The following CADPS2 variants were observed in gnomAD, a reference collection of about 807,000 sequenced individuals.
The protein encoded by CADPS2 is calcium-dependent secretion activator 2.
Under a neutral mutation model 172.5 loss-of-function variants are expected in CADPS2, and 93 were observed. That is an observed-to-expected ratio of 0.54 (90% CI 0.46 to 0.64). The LOEUF (loss-of-function observed/expected upper bound fraction) is 0.64. Ranked by LOEUF, CADPS2 falls within the 30% of genes least tolerant of loss-of-function variation. CADPS2 has a pLI of 0.00. For missense variants in CADPS2, 1,420 were observed against 1,565.9 expected, an observed-to-expected ratio of 0.91 and a Z score of 1.57; for synonymous variants, 546 against 555.2, an observed-to-expected ratio of 0.98 and a Z score of 0.23.
Position 122,663,501 on chromosome 7 carries a change from T to C in CADPS2, c.522A>G (p.Arg174=), listed in dbSNP as rs999728537. 5 of 1,611,970 alleles carry C rather than the reference T, an allele frequency of 3.1e-6. No homozygotes were observed. In the African/African-American group the frequency reaches 5.3e-5, roughly 17 times the overall value. The change falls in exon 3 of 30, where the codon AGA becomes AGG. Residue 174 remains arginine, a synonymous_variant. Transcript: ENST00000449022. ...QSGGCSANDF[R]EVFKKNIEKR... ...TTTCTATGTTTTTCTTAAATACTTCTCTGAAGTCATTAGCAGAACACCCTC... is the reference window on the plus strand; with the variant it reads ...TTTCTATGTTTTTCTTAAATACTTCCCTGAAGTCATTAGCAGAACACCCTC...
chr7:122,711,188 GAATA>G (rs2088653880), intron 2 of CADPS2, among the ~76,000 whole-genome samples: 3 of 151,998 alleles, frequency 2.0e-5, no homozygotes, highest in African/African-American at 7.2e-5. Context: ...CAAAAGTCGA[GAATA>G]AATTTCATCT....
At chr7:122,785,964 A>C (rs1793943195) in intron 1 of CADPS2, among the ~76,000 whole-genome samples, 1 of 152,224 alleles carries the variant, frequency 6.6e-6, no homozygotes, top group Non-Finnish European at 1.5e-5. Flanking sequence ...AAGAAGAAAT[A>C]AACCACATGC....
chr7:122,764,650 T>C (rs752074037), intron 1 of CADPS2, among the ~76,000 whole-genome samples: 2 of 151,220 alleles, frequency 1.3e-5, no homozygotes, highest in Non-Finnish European at 3.0e-5. Flanking sequence ...TTAGATAGAA[T>C]GGTGAAAAAG....
chr7:122,409,747 C>T (rs2047077818), intron 19 of CADPS2: 1 of 406,766 alleles, frequency 2.5e-6, no homozygotes, highest in Non-Finnish European at 5.3e-6. Context: ...TCTTGCCATC[C>T]CACCCTGGGT....
intron 2 of CADPS2, among the ~76,000 whole-genome samples, chr7:122,679,265 T>TGGGGCG (rs746896445): frequency 7.6e-5 from 3 of 39,240 alleles, no homozygotes; most frequent in Non-Finnish European, 1.2e-4. Flanking sequence ...AATGCATTCC[T>TGGGGCG]GGGGGGGGGG....
At chr7:122,827,616 G>A (rs1437358389) in intron 1 of CADPS2, among the ~76,000 whole-genome samples, 1 of 144,536 alleles carries the variant, frequency 6.9e-6, no homozygotes, top group Non-Finnish European at 1.5e-5. Context: ...TGGGCAACAT[G>A]AGCGAAATTC....
At chr7:122,734,356 T>TAAAAAAAAAAAAAAAAAAAAAAAAAAA (rs558421546) in intron 2 of CADPS2, among the ~76,000 whole-genome samples, 4 of 46,294 alleles carry the variant, frequency 8.6e-5, no homozygotes, top group African/African-American at 3.6e-4. Context: ...CCAGAAATAG[T>TAAAAAAAAAAAAAAAAAAAAAAAAAAA]AAAAAAAAAA....
intron 7 of CADPS2, among the ~76,000 whole-genome samples, chr7:122,570,225 G>C (rs1479625883): frequency 4.6e-5 from 7 of 151,980 alleles, no homozygotes; most frequent in East Asian, 1.9e-4. Context: ...GGGCAAAGGA[G>C]ATGAACAGAC....
chr7:122,420,430 A>G (rs2048408157), intron 17 of CADPS2, among the ~76,000 whole-genome samples: 1 of 152,234 alleles, frequency 6.6e-6, no homozygotes, highest in Non-Finnish European at 1.5e-5. Flanking sequence ...ACTTGAACAT[A>G]ATAGCCACTC....
chr7:122,549,421 C>A (rs187021450), intron 8 of CADPS2, among the ~76,000 whole-genome samples: 1 of 152,170 alleles, frequency 6.6e-6, no homozygotes, highest in East Asian at 1.9e-4. Flanking sequence ...TAGTTACCAT[C>A]GCACTCAAGA....
At chr7:122,376,719 C>T (rs2042405612) in intron 25 of CADPS2, among the ~76,000 whole-genome samples, 1 of 152,014 alleles carries the variant, frequency 6.6e-6, no homozygotes, top group Non-Finnish European at 1.5e-5. Flanking sequence ...TTATCACACA[C>T]AGAAATAATT....
chr7:122,377,134 C>A (rs949234112), intron 25 of CADPS2, among the ~76,000 whole-genome samples: 1 of 151,988 alleles, frequency 6.6e-6, no homozygotes, highest in African/African-American at 2.4e-5. Flanking sequence ...CAGTATTATA[C>A]GAGGCTCTTT....
chr7:122,540,691 A>G (rs868481355), intron 8 of CADPS2, among the ~76,000 whole-genome samples: 1 of 152,164 alleles, frequency 6.6e-6, no homozygotes, highest in African/African-American at 2.4e-5. Context: ...GGGAAACATT[A>G]AAGACAAGAT....
At chr7:122,845,407 C>G (rs1455802686) in intron 1 of CADPS2, among the ~76,000 whole-genome samples, 1 of 152,202 alleles carries the variant, frequency 6.6e-6, no homozygotes, top group East Asian at 1.9e-4. Flanking sequence ...CTGCCAGCAA[C>G]ACAAAGCCAG....
At chr7:122,798,691 T>C (rs779177839) in intron 1 of CADPS2, among the ~76,000 whole-genome samples, 2 of 152,130 alleles carry the variant, frequency 1.3e-5, no homozygotes, top group African/African-American at 2.4e-5. Context: ...CTTAATTATA[T>C]TGAAACTCTA....
At chr7:122,747,665 A>G (rs2092774070) in intron 1 of CADPS2, among the ~76,000 whole-genome samples, 1 of 152,144 alleles carries the variant, frequency 6.6e-6, no homozygotes, top group South Asian at 2.1e-4. Flanking sequence ...AAAGTTACCC[A>G]GTTCACAAAA....
chr7:122,708,751 T>C (rs1332645810), intron 2 of CADPS2, among the ~76,000 whole-genome samples: 9 of 151,654 alleles, frequency 5.9e-5, no homozygotes, highest in Non-Finnish European at 1.0e-4. Context: ...TAACAATAAA[T>C]TGAAAACAAT....
At chr7:122,449,038 T>C (rs2052687734) in intron 15 of CADPS2, among the ~76,000 whole-genome samples, 1 of 152,220 alleles carries the variant, frequency 6.6e-6, no homozygotes, top group Non-Finnish European at 1.5e-5. Context: ...CTGTGGCTAC[T>C]GAATAAAGCT....
At chr7:122,340,151 T>C (rs1460031028) in intron 28 of CADPS2, among the ~76,000 whole-genome samples, 1 of 152,192 alleles carries the variant, frequency 6.6e-6, no homozygotes, top group Non-Finnish European at 1.5e-5. Flanking sequence ...ATTAAGCCTT[T>C]ATAAAACGCT....
Sources: gnomAD v4.1 joint callset for allele counts (sites outside exome capture counted in the v4.1 genomes callset) on GRCh38, gnomAD v4.1.1 for gene constraint, MANE v1.5 for transcripts, NCBI Gene and HGNC (gene_info 2026-07-23, HGNC 2026-07-21) for gene names.